GRID1: variants seen among roughly 807,000 people sequenced by gnomAD.
GRID1 encodes glutamate receptor ionotropic, delta-1.
In GRID1, 28 loss-of-function variants were observed where a neutral mutation model predicts 98.0. The ratio of observed to expected loss-of-function variants is 0.29; its 90% CI spans 0.21 to 0.39. The LOEUF (loss-of-function observed/expected upper bound fraction) is 0.39. Among genes scored for constraint, GRID1 ranks in the 10% least tolerant of loss-of-function variants. The pLI is 1.00. For synonymous variants in GRID1, 553 were observed against 538.5 expected, an observed-to-expected ratio of 1.03 and a Z score of -0.37; for missense variants, 1,111 against 1,340.5, an observed-to-expected ratio of 0.83 and a Z score of 2.67.
At chr10:86,050,841 G>C (rs1321673204) in intron 4 of GRID1, among the ~76,000 whole-genome samples, 2 of 148,786 alleles carry the variant, frequency 1.3e-5, no homozygotes, top group East Asian at 3.9e-4. Flanking sequence ...TAGATGAGCT[G>C]ATTTTAAAAC....
intron 12 of GRID1, among the ~76,000 whole-genome samples, chr10:85,666,081 C>T (rs1473653630): frequency 6.6e-6 from 1 of 152,206 alleles, no homozygotes; most frequent in Non-Finnish European, 1.5e-5. Flanking sequence ...TTGTAAAGAA[C>T]TACACCACCA....
chr10:86,105,763 T>C (rs1396579643), intron 4 of GRID1, among the ~76,000 whole-genome samples: 1 of 152,180 alleles, frequency 6.6e-6, no homozygotes, highest in Non-Finnish European at 1.5e-5. Flanking sequence ...CAAATAAGCC[T>C]GTGACAGACA....
intron 13 of GRID1, chr10:85,646,962 G>A (rs1172057486): frequency 1.6e-5 from 9 of 548,154 alleles, no homozygotes; most frequent in South Asian, 4.4e-5. Context: ...TGGGCCAAAA[G>A]TCAGGCTTAA....
chr10:85,721,220 C>T (rs1273316306), intron 12 of GRID1, among the ~76,000 whole-genome samples: 2 of 152,106 alleles, frequency 1.3e-5, no homozygotes, highest in African/African-American at 4.8e-5. Context: ...TGCAGAGAAA[C>T]TGGATTATTC....
At chr10:86,059,508 A>AT (rs534538761) in intron 4 of GRID1, among the ~76,000 whole-genome samples, 38 of 152,262 alleles carry the variant, frequency 2.5e-4, no homozygotes, top group African/African-American at 8.7e-4. Context: ...GGCAAAGGTA[A>AT]TTTTTTTTCC....
At chr10:86,004,780 A>G (rs1270006958) in intron 4 of GRID1, among the ~76,000 whole-genome samples, 1 of 143,096 alleles carries the variant, frequency 7.0e-6, no homozygotes, top group Middle Eastern at 3.4e-3. Context: ...GTTTCTCTGG[A>G]GAACCCTAGC....
intron 4 of GRID1, among the ~76,000 whole-genome samples, chr10:86,115,840 G>A (rs953679475): frequency 6.6e-6 from 1 of 152,216 alleles, no homozygotes; most frequent in Non-Finnish European, 1.5e-5. Context: ...CAACATTTCA[G>A]TTAACCATGT....
At chr10:85,686,679 A>G (rs931864569) in intron 12 of GRID1, among the ~76,000 whole-genome samples, 1 of 152,108 alleles carries the variant, frequency 6.6e-6, no homozygotes, top group African/African-American at 2.4e-5. Context: ...TTTCTGATCT[A>G]AAATATCAAA....
chr10:86,081,632 A>C (rs1300336067), intron 4 of GRID1, among the ~76,000 whole-genome samples: 4 of 152,372 alleles, frequency 2.6e-5, no homozygotes, highest in Admixed American at 6.5e-5. Flanking sequence ...GTCCTTCAGT[A>C]AGTGAATGAA....
chr10:86,035,283 C>T (rs1374154317), intron 4 of GRID1, among the ~76,000 whole-genome samples: 2 of 152,178 alleles, frequency 1.3e-5, no homozygotes, highest in Admixed American at 6.5e-5. Context: ...TATTCTTATT[C>T]GTAGAGCTTT....
chr10:86,360,607 C>T (rs569611703), intron 2 of GRID1, among the ~76,000 whole-genome samples: 8 of 152,298 alleles, frequency 5.3e-5, no homozygotes, highest in East Asian at 1.9e-4. Flanking sequence ...AAAATATCAA[C>T]GGCCTCAAGA....
At chr10:85,772,940 A>G (rs1842288078) in intron 8 of GRID1, among the ~76,000 whole-genome samples, 1 of 152,198 alleles carries the variant, frequency 6.6e-6, no homozygotes, top group Non-Finnish European at 1.5e-5. Context: ...TCCAATCAAT[A>G]GAAAAAGAGG....
At chr10:85,831,519 T>A (rs557111745) in intron 8 of GRID1, among the ~76,000 whole-genome samples, 5 of 152,230 alleles carry the variant, frequency 3.3e-5, no homozygotes, top group Non-Finnish European at 5.9e-5. Flanking sequence ...TGAGATACCG[T>A]CTTTTCAAGG....
At chr10:85,812,751 T>TCC (rs36053878) in intron 8 of GRID1, among the ~76,000 whole-genome samples, 43 of 151,032 alleles carry the variant, frequency 2.8e-4, no homozygotes, top group African/African-American at 1.0e-3. Flanking sequence ...TCTCTCTCTC[T>TCC]CCCTCCCCCC....
chr10:85,632,649 T>C (rs527424995), intron 13 of GRID1, among the ~76,000 whole-genome samples: 1 of 152,294 alleles, frequency 6.6e-6, no homozygotes, highest in South Asian at 2.1e-4. Flanking sequence ...GAACAAGTGG[T>C]TCTCGTGCCT....
At chr10:86,163,087 G>A (rs536090746) in intron 3 of GRID1, among the ~76,000 whole-genome samples, 34 of 152,340 alleles carry the variant, frequency 2.2e-4, no homozygotes, top group Non-Finnish European at 4.3e-4. Context: ...CTGGAGAGGT[G>A]GAGGCAGGGA....
chr10:86,161,257 T>G (rs1845318416), intron 3 of GRID1, among the ~76,000 whole-genome samples: 1 of 152,170 alleles, frequency 6.6e-6, no homozygotes, highest in Non-Finnish European at 1.5e-5. Context: ...ATCCGGGGCC[T>G]GACATCCTAG....
At chr10:85,635,800 G>T (rs1315657001) in intron 13 of GRID1, among the ~76,000 whole-genome samples, 1 of 152,162 alleles carries the variant, frequency 6.6e-6, no homozygotes, top group Non-Finnish European at 1.5e-5. Flanking sequence ...TTCTGTTATG[G>T]CCTGAGGGAT....
In GRID1 at chr10:86,169,140, T is replaced by C. The variant is rs151336593; in HGVS notation, c.521-30116A>G. On this transcript the variant is annotated intron_variant, in intron 3 of 15. Coordinates refer to ENST00000327946, the MANE Select transcript of GRID1 (RefSeq NM_017551.3). ...TAGACCGGACTGCAACAAGAAGGCC[T>C]TGTGTCAGACCTAGGGATTTGGTCA... is the stretch of plus-strand genomic sequence containing the variant. Among the ~76,000 whole-genome samples, 221 of 152,292 alleles carry C rather than the reference T, an allele frequency of 1.5e-3. 1 individual carries two copies. Among genetic ancestry groups the C allele is most frequent in the African/African-American group, 5.2e-3 (215 of 41,570 alleles).
Sources: gnomAD v4.1 joint callset for allele counts (sites outside exome capture counted in the v4.1 genomes callset) on GRCh38, gnomAD v4.1.1 for gene constraint, MANE v1.5 for transcripts, NCBI Gene and HGNC (gene_info 2026-07-23, HGNC 2026-07-21) for gene names.